The following MAF variants were observed in gnomAD, a reference collection of about 807,000 sequenced individuals.
The protein encoded by MAF is MAF bZIP transcription factor, also known as transcription factor Maf.
Under a neutral mutation model 22.0 loss-of-function variants are expected in MAF, and 10 were observed. The ratio of observed to expected loss-of-function variants is 0.45; its 90% CI spans 0.28 to 0.77. The LOEUF (loss-of-function observed/expected upper bound fraction) is 0.77, where lower values mean the gene tolerates loss of function less well. MAF is among the 30% of genes least tolerant of loss of function. The pLI is 0.12. For synonymous variants in MAF, 337 were observed against 255.8 expected (o/e 1.32, Z -3.03); for missense variants, 544 against 548.4 (o/e 0.99, Z 0.08).
the MAF span, among the ~76,000 whole-genome samples, chr16:79,535,277 C>T: frequency 1.3e-5 from 2 of 151,904 alleles, no homozygotes; most frequent in Admixed American, 6.6e-5. Context: ...CTGTGGATGG[C>T]GCCTCGGTTT....
chr16:79,467,877 G>A, the MAF span, among the ~76,000 whole-genome samples: 1 of 151,802 alleles, frequency 6.6e-6, no homozygotes, highest in Non-Finnish European at 1.5e-5. Context: ...GATGCAGGCA[G>A]GCAAACCTCC....
chr16:79,351,116 C>T, the MAF span, among the ~76,000 whole-genome samples: 19 of 152,242 alleles, frequency 1.2e-4, no homozygotes, highest in African/African-American at 3.1e-4. Context: ...TGCTGCTTCA[C>T]GATTGAGTCC....
At chr16:79,380,736 G>C in the MAF span, among the ~76,000 whole-genome samples, 4 of 152,330 alleles carry the variant, frequency 2.6e-5, no homozygotes, top group East Asian at 5.8e-4. Flanking sequence ...GGAAGACTGA[G>C]GCCATAGAGC....
the MAF span, among the ~76,000 whole-genome samples, chr16:79,437,520 A>C: frequency 1.3e-5 from 2 of 152,136 alleles, no homozygotes; most frequent in East Asian, 1.9e-4. Context: ...TGAGGGAGAC[A>C]AAGGTGGTTG....
chr16:79,374,311 G>C, the MAF span, among the ~76,000 whole-genome samples: 6 of 152,142 alleles, frequency 3.9e-5, no homozygotes, highest in African/African-American at 1.4e-4. Context: ...GTTGTTCTTG[G>C]CTGTTCTGTC....
chr16:79,213,103 G>C, the MAF span, among the ~76,000 whole-genome samples: 1 of 152,162 alleles, frequency 6.6e-6, no homozygotes, highest in Non-Finnish European at 1.5e-5. Flanking sequence ...CCATCTCATG[G>C]ACACCATGAT....
At chr16:79,379,543 T>G in the MAF span, among the ~76,000 whole-genome samples, 3 of 151,826 alleles carry the variant, frequency 2.0e-5, no homozygotes, top group Non-Finnish European at 4.4e-5. Flanking sequence ...CTAGCGGGAA[T>G]TATTTTAAAT....
the MAF span, among the ~76,000 whole-genome samples, chr16:79,429,584 C>T: frequency 0.18 from 27,719 of 152,040 alleles, 2,845 homozygotes; most frequent in South Asian, 0.28. Flanking sequence ...TCGCTGTGCA[C>T]GGTGAATTCA....
chr16:79,596,750 A>G, intron 1 of MAF: 1 of 1,041,030 alleles, frequency 9.6e-7, no homozygotes, highest in East Asian at 5.7e-5. Flanking sequence ...AAAACTGTGG[A>G]TTTTTTTTTA....
chr16:79,458,912 C>T, the MAF span, among the ~76,000 whole-genome samples: 2 of 152,130 alleles, frequency 1.3e-5, no homozygotes, highest in Admixed American at 6.5e-5. Context: ...AAACAAGCTA[C>T]AGGAAAATGC....
At chr16:79,303,592 C>T in the MAF span, among the ~76,000 whole-genome samples, 1 of 152,290 alleles carries the variant, frequency 6.6e-6, no homozygotes, top group Admixed American at 6.5e-5. Context: ...TTGGCCAAAC[C>T]CAGTGCCTAC....
At chr16:79,454,120 G>A in the MAF span, among the ~76,000 whole-genome samples, 3 of 151,986 alleles carry the variant, frequency 2.0e-5, no homozygotes, top group South Asian at 2.1e-4. Flanking sequence ...TCTATGATTC[G>A]TTCCCATTTT....
chr16:79,460,943 C>G, the MAF span, among the ~76,000 whole-genome samples: 2 of 152,088 alleles, frequency 1.3e-5, no homozygotes, highest in African/African-American at 4.8e-5. Flanking sequence ...TCTTTTTCAG[C>G]TCTCCAAACT....
chr16:79,520,838 G>C, the MAF span, among the ~76,000 whole-genome samples: 1 of 152,100 alleles, frequency 6.6e-6, no homozygotes. Flanking sequence ...CATTGGCATT[G>C]GCAAGGGAAG....
the MAF span, among the ~76,000 whole-genome samples, chr16:79,222,214 A>G: frequency 2.1e-3 from 326 of 152,324 alleles, no homozygotes; most frequent in African/African-American, 7.6e-3. Context: ...TTTTCAACCC[A>G]GGATTTCATA....
the MAF span, among the ~76,000 whole-genome samples, chr16:79,339,217 C>G: frequency 6.6e-6 from 1 of 150,774 alleles, no homozygotes; most frequent in African/African-American, 2.5e-5. Flanking sequence ...CTACAGGCAC[C>G]CGCCACCACG....
the MAF span, chr16:79,212,232 C>CTTGCTGCATTGATCCAGGAGATAA: frequency 7.3e-7 from 1 of 1,370,404 alleles, no homozygotes; most frequent in Non-Finnish European, 9.6e-7. Flanking sequence ...TTCACTGCTC[C>CTTGCTGCATTGATCCAGGAGATAA]TTGCTGCATT....
chr16:79,284,036 C>T, the MAF span, among the ~76,000 whole-genome samples: 1 of 148,492 alleles, frequency 6.7e-6, no homozygotes, highest in African/African-American at 2.5e-5. Flanking sequence ...CCTTTTAGCA[C>T]AAATTTACAC....
the MAF span, among the ~76,000 whole-genome samples, chr16:79,459,678 T>C: frequency 5.9e-5 from 9 of 151,932 alleles, no homozygotes. Context: ...GCTCAGGTGA[T>C]TCTCCTACCT....
Sources: gnomAD v4.1 joint callset for allele counts (sites outside exome capture counted in the v4.1 genomes callset) on GRCh38, gnomAD v4.1.1 for gene constraint, MANE v1.5 for transcripts, NCBI Gene and HGNC (gene_info 2026-07-23, HGNC 2026-07-21) for gene names.